The following ARHGEF1 variants were observed in gnomAD, a reference collection of about 807,000 sequenced individuals.
The protein encoded by ARHGEF1 is Rho guanine nucleotide exchange factor 1.
In ARHGEF1, 40 loss-of-function variants were observed where a neutral mutation model predicts 119.7. The observed-to-expected ratio is 0.33, with a 90% confidence interval of 0.26 to 0.44. The LOEUF (loss-of-function observed/expected upper bound fraction) is 0.44. ARHGEF1 is among the 20% of genes least tolerant of loss of function. The pLI is 1.00. For missense variants in ARHGEF1, 976 were observed against 1,268.3 expected, an observed-to-expected ratio of 0.77 and a Z score of 3.50; for synonymous variants, 494 against 521.0, an observed-to-expected ratio of 0.95 and a Z score of 0.71.
intron 1 of ARHGEF1, chr19:41,884,404 C>T: frequency 6.3e-7 from 1 of 1,593,980 alleles, no homozygotes; most frequent in Admixed American, 1.7e-5. Context: ...GCTAGAGCGA[C>T]GCGGCGGCAG....
In ARHGEF1 at chr19:41,903,936, C is replaced by A; in HGVS notation, c.1918-99C>A. On this transcript the variant is annotated intron_variant, in intron 20 of 28. Coordinates refer to ENST00000354532, the MANE Select transcript of ARHGEF1 (RefSeq NM_004706.4). The surrounding 1 kb of genome is among the most constrained non-coding windows in gnomAD (Gnocchi z 4.2). ...CTCATGCCAATCCCATGATCCCCAG[C>A]CTGTGGTCATCCCCGGCCACTGCCC... 1.4e-6 allele frequency: 2 copies of A among 1,392,502 alleles called. No homozygotes were observed. The highest frequency in any genetic ancestry group is 2.0e-6 in the Non-Finnish European group (2 of 992,516). 86.3% of individuals were successfully genotyped at this position (1,392,502 alleles called of 1,614,324 possible).
chr19:41,914,675 CT>C (rs1332344122), intron 18 of ARHGEF1, among the ~76,000 whole-genome samples: 2 of 15,888 alleles, frequency 1.3e-4, no homozygotes, highest in Non-Finnish European at 2.1e-4. Context: ...TCTCCCTCCC[CT>C]TCCACCATCT....
chr19:41,897,208 T>C, intron 13 of ARHGEF1: 1 of 1,136,134 alleles, frequency 8.8e-7, no homozygotes, highest in Non-Finnish European at 1.2e-6. Flanking sequence ...AGGCTCTGCC[T>C]CCTGCCCGTC....
At chr19:41,884,159 C>G (rs1473671076) in intron 1 of ARHGEF1, among the ~76,000 whole-genome samples, 1 of 152,186 alleles carries the variant, frequency 6.6e-6, no homozygotes, top group African/African-American at 2.4e-5. Flanking sequence ...GGAGTTGGAC[C>G]CATCTGCACC....
Position 41,892,979 on chromosome 19 carries a change from G to T in ARHGEF1, c.614+130G>T. On this transcript the variant is annotated intron_variant, in intron 7 of 28. Transcript: ENST00000354532. This position sits in a 1 kb window ranked among gnomAD's most constrained non-coding sequence, Gnocchi z 6.3. ...CAGAGTTCATTTCTTGGCACTGGGG[G>T]TCTTCCTCTACCCTGGTGTTTTAAC... The T allele has an allele frequency of 7.6e-7, 1 of 1,320,904 alleles. No homozygotes were observed. Among genetic ancestry groups the T allele is most frequent in the Non-Finnish European group, 1.0e-6 (1 of 998,694 alleles). The allele number at this position is 1,320,904 out of a possible 1,614,324, so 81.8% of individuals were successfully genotyped here.
chr19:41,887,987 G>T, intron 1 of ARHGEF1, 77 bp from the exon 2 acceptor site: 1 of 1,491,374 alleles, frequency 6.7e-7, no homozygotes, highest in Admixed American at 2.0e-5. Context: ...CTTCACACCT[G>T]GGCCAGGAAT....
rs545522724 is a variant in ARHGEF1, at chr19:41,889,231, ATTC to A, written c.225+371_225+373del. On this transcript the variant is annotated intron_variant, in intron 4 of 28. Transcript: ENST00000354532. This position sits in a 1 kb window ranked among gnomAD's most constrained non-coding sequence, Gnocchi z 4.0. ...CTTTCCGTGAACTCTAGGGGACCAA[ATTC>A]TTCTCTCCAAAGCCTTTTTGGCAGA... 28 of 191,120 alleles carry A rather than the reference ATTC, an allele frequency of 1.5e-4. No individual in the cohort carries two copies. In the Admixed American group the frequency reaches 1.6e-3, roughly 11 times the overall value. The allele number at this position is 191,120 out of a possible 1,614,324, so 11.8% of individuals were successfully genotyped here.
rs1555845542 is a variant in ARHGEF1, at chr19:41,888,157, G to A, written c.25-35G>A. On this transcript the variant is annotated intron_variant, in intron 2 of 28. Coordinates refer to ENST00000354532, the MANE Select transcript of ARHGEF1 (RefSeq NM_004706.4). This position sits in a 1 kb window ranked among gnomAD's most constrained non-coding sequence, Gnocchi z 5.1. Reference sequence around the variant, plus strand: ...GCGACTCTGGGGCTGTGGGTGGAGAGTCCTGTGGACTGAAGCTGCCCTCCC... The same window carrying A: ...GCGACTCTGGGGCTGTGGGTGGAGAATCCTGTGGACTGAAGCTGCCCTCCC... 6.2e-7 allele frequency: 1 copy of A among 1,614,092 alleles called. No individual in the cohort carries two copies. The highest frequency in any genetic ancestry group is 8.5e-7 in the Non-Finnish European group (1 of 1,179,976).
At chr19:41,896,679 C>A in intron 13 of ARHGEF1, 197 bp downstream of exon 13, 1 of 700,254 alleles carries the variant, frequency 1.4e-6, no homozygotes, top group South Asian at 1.5e-5. Flanking sequence ...TCATTGCCCC[C>A]CTTTCCTTTT....
chr19:41,912,459 G>A (rs367809856), intron 18 of ARHGEF1, among the ~76,000 whole-genome samples: 7 of 152,276 alleles, frequency 4.6e-5, no homozygotes, highest in South Asian at 4.1e-4. Flanking sequence ...GGGCAGTGCC[G>A]TCTGTCTACC....
chr19:41,928,756 G>T, intron 1 of ARHGEF1: 1 of 358,556 alleles, frequency 2.8e-6, no homozygotes, highest in Non-Finnish European at 5.6e-6. Flanking sequence ...TGGGGGTGGG[G>T]CGGGGGTGGG....
chr19:41,908,696 G>T, downstream of ARHGEF1: 1 of 1,218,094 alleles, frequency 8.2e-7, no homozygotes, highest in East Asian at 3.2e-5. This position sits in a 1 kb window ranked among gnomAD's most constrained non-coding sequence, Gnocchi z 6.7. Context: ...ACAGGGGTAG[G>T]TCAGGCTGGG....
intron 1 of ARHGEF1, chr19:41,884,496 G>A: frequency 6.2e-7 from 1 of 1,607,244 alleles, no homozygotes; most frequent in Non-Finnish European, 8.5e-7. Flanking sequence ...TGGAGCAGGT[G>A]AGGGACGCGG....
intron 13 of ARHGEF1, chr19:41,897,937 G>A: frequency 3.9e-6 from 5 of 1,295,950 alleles, no homozygotes; most frequent in Non-Finnish European, 2.9e-6. Context: ...CCTTGGCCTC[G>A]GGGTCCAGGC....
chr19:41,926,965 A>G (rs2074875255), intron 1 of ARHGEF1, among the ~76,000 whole-genome samples: 1 of 152,036 alleles, frequency 6.6e-6, no homozygotes, highest in South Asian at 2.1e-4. Flanking sequence ...AGAGATAGAA[A>G]GAGATGCCGA....
At chr19:41,908,298 T>G, downstream of ARHGEF1, 1 of 1,231,532 alleles carries the variant, frequency 8.1e-7, no homozygotes, top group Non-Finnish European at 1.0e-6. This position sits in a 1 kb window ranked among gnomAD's most constrained non-coding sequence, Gnocchi z 6.7. Flanking sequence ...GCCCTCGCTG[T>G]CAGAGCTGCA....
rs1167115441 is a variant in ARHGEF1 at position 41,905,290 on chromosome 19, G to T, written c.2336+29G>T. On this transcript the variant is annotated intron_variant, in intron 24 of 28. Coordinates refer to ENST00000354532, the MANE Select transcript of ARHGEF1 (RefSeq NM_004706.4). The surrounding 1 kb of genome is among the most constrained non-coding windows in gnomAD (Gnocchi z 6.4). The stretch of plus-strand genomic sequence containing the variant: ...AGGGGGGCCATGGAGAGAGCTGGAG[G>T]TTCAGGGAGTGGGGCCGGAAGGCGG... The T allele has an allele frequency of 6.3e-7, 1 of 1,586,990 alleles. No homozygotes were observed. The highest frequency in any genetic ancestry group is 8.6e-7 in the Non-Finnish European group (1 of 1,165,896).
In ARHGEF1 at chr19:41,888,981, C is replaced by CA. The variant is rs2074336493; in HGVS notation, c.225+117dup. 2.5e-6 allele frequency: 2 copies of CA among 801,268 alleles called. No homozygotes were observed. Among genetic ancestry groups the CA allele is most frequent in the East Asian group, 2.7e-5 (1 of 36,928 alleles). The allele number at this position is 801,268 out of a possible 1,614,324, so 49.6% of individuals were successfully genotyped here. A position where few individuals can be genotyped will look rare whatever the true frequency, so the allele number is the denominator to read the frequency against. ...GGTCTGGAAAAGCAGATCTAGAACA[C>CA]AGAGAGCCAGATCTAGAAAGAGAGA... On this transcript the variant is annotated intron_variant, in intron 4 of 28. Transcript: ENST00000354532. The surrounding 1 kb of genome is among the most constrained non-coding windows in gnomAD (Gnocchi z 5.1).
chr19:41,905,167 C>T lies in ARHGEF1; in HGVS notation c.2250-8C>T. ...CTGACTGCCCAGGGATTTGGCCTTT[C>T]TCCCCAGCTGGTGTGCTCTCATCAC... On this transcript the variant is annotated splice_polypyrimidine_tract_variant and splice_region_variant and intron_variant, in intron 23 of 28. Coordinates refer to ENST00000354532, the MANE Select transcript of ARHGEF1 (RefSeq NM_004706.4). The surrounding 1 kb of genome is among the most constrained non-coding windows in gnomAD (Gnocchi z 6.4). 6.2e-7 allele frequency: 1 copy of T among 1,613,854 alleles called. No homozygotes were observed. Among genetic ancestry groups the T allele is most frequent in the Non-Finnish European group, 8.5e-7 (1 of 1,179,814 alleles).
Sources: allele counts gnomAD v4.1 joint callset (sites outside exome capture counted in the v4.1 genomes callset), GRCh38; gene constraint gnomAD v4.1.1; non-coding constraint Gnocchi (gnomAD v3.1); transcripts MANE v1.5; gene names NCBI Gene and HGNC (gene_info 2026-07-23, HGNC 2026-07-21).